The following ERC1 variants were observed in gnomAD, a reference collection of about 807,000 sequenced individuals.
The protein encoded by ERC1 is RAB6 interacting protein 2.
A neutral mutation model predicts 132.0 loss-of-function variants in ERC1; 56 were observed. The observed-to-expected ratio is 0.42, with a 90% confidence interval of 0.34 to 0.53. The LOEUF is 0.53. Among genes scored for constraint, ERC1 ranks in the 20% least tolerant of loss-of-function variants. The pLI is 0.03. For synonymous variants in ERC1, 478 were observed against 476.1 expected (o/e 1.00, Z -0.05); for missense variants, 1,202 against 1,349.9 (o/e 0.89, Z 1.72).
chr12:1,262,172 C>G (rs2077183941), intron 13 of ERC1, among the ~76,000 whole-genome samples: 1 of 152,188 alleles, frequency 6.6e-6, no homozygotes, highest in South Asian at 2.1e-4. Flanking sequence ...GCACTTTATT[C>G]TTAATCCTCT....
intron 15 of ERC1, among the ~76,000 whole-genome samples, chr12:1,295,132 T>A (rs1010485476): frequency 1.3e-5 from 2 of 152,186 alleles, no homozygotes; most frequent in African/African-American, 4.8e-5. Context: ...CACGTTGAAG[T>A]TGGTAAAGCT....
At chr12:1,285,474 T>C (rs534917295) in intron 14 of ERC1, among the ~76,000 whole-genome samples, 1 of 152,290 alleles carries the variant, frequency 6.6e-6, no homozygotes, top group South Asian at 2.1e-4. Context: ...ATGAACAATA[T>C]TTATTTTAGA....
At chr12:1,105,225 A>G (rs1259790203) in intron 4 of ERC1, among the ~76,000 whole-genome samples, 1 of 152,196 alleles carries the variant, frequency 6.6e-6, no homozygotes, top group Admixed American at 6.5e-5. Context: ...TACTGAATTC[A>G]GTTTACAACT....
intron 8 of ERC1, among the ~76,000 whole-genome samples, chr12:1,162,456 G>A (rs186434780): frequency 6.7e-6 from 1 of 148,510 alleles, no homozygotes; most frequent in East Asian, 2.0e-4. Context: ...TGTTTATTTC[G>A]TTTTGCTTGC....
chr12:1,198,337 C>G (rs1416217417), intron 12 of ERC1, among the ~76,000 whole-genome samples: 1 of 152,112 alleles, frequency 6.6e-6, no homozygotes, highest in Non-Finnish European at 1.5e-5. Context: ...ATTTTGGATC[C>G]TAAACTATTA....
chr12:1,321,124 A>G (rs1403910402), intron 15 of ERC1, among the ~76,000 whole-genome samples: 1 of 152,162 alleles, frequency 6.6e-6, no homozygotes, highest in Non-Finnish European at 1.5e-5. Flanking sequence ...AGTGCGGGGG[A>G]AAATGAGGTT....
rs764187863 is a variant in ERC1, at chr12:1,182,073, T to G, written c.2016+8T>G. On this transcript the variant is annotated splice_region_variant and intron_variant, in intron 10 of 18. Coordinates refer to ENST00000360905, the MANE Select transcript of ERC1 (RefSeq NM_178040.4). The stretch of plus-strand genomic sequence containing the variant: ...GACCTTTCAGAGAAAGAGGTTAAGC[T>G]CCCCAAAATGGAATTAGTTTGTTTG... The G allele has an allele frequency of 6.8e-6, 11 of 1,612,138 alleles. No homozygotes were observed. The Admixed American group carries it at 1.2e-4, about 17-fold the overall frequency.
At chr12:1,430,834 G>A (rs1012466681) in intron 17 of ERC1, 2 of 152,362 alleles carry the variant, frequency 1.3e-5, no homozygotes, top group African/African-American at 4.8e-5. Flanking sequence ...ACGGGGCAGA[G>A]TACTGGAAAC....
At chr12:1,010,152 G>A (rs1179394140) in intron 1 of ERC1, among the ~76,000 whole-genome samples, 1 of 152,142 alleles carries the variant, frequency 6.6e-6, no homozygotes, top group Non-Finnish European at 1.5e-5. Flanking sequence ...CGTGGTAACC[G>A]AGGGGAGGAA....
At chr12:1,008,095 G>C (rs142558106) in intron 1 of ERC1, among the ~76,000 whole-genome samples, 1 of 152,298 alleles carries the variant, frequency 6.6e-6, no homozygotes, top group African/African-American at 2.4e-5. Context: ...GTGTGATATT[G>C]TTACCCAGGG....
At chr12:1,256,944 A>G (rs1308545510) in intron 13 of ERC1, among the ~76,000 whole-genome samples, 3 of 150,712 alleles carry the variant, frequency 2.0e-5, no homozygotes, top group African/African-American at 7.4e-5. Flanking sequence ...CTCAGGTTCT[A>G]TAATACCCAT....
At position 1,111,752 on chromosome 12, in the gene ERC1, C is replaced by T. The variant is rs545855146; in HGVS notation, c.1318-463C>T. On this transcript the variant is annotated intron_variant, in intron 5 of 18. Coordinates refer to ENST00000360905, the MANE Select transcript of ERC1 (RefSeq NM_178040.4). ...TCTGCTGAGTAGCTGGGATTACAGGCGCCCACCACCATGCCCAGTTAATTT... is the reference window on the plus strand; with the variant it reads ...TCTGCTGAGTAGCTGGGATTACAGGTGCCCACCACCATGCCCAGTTAATTT... 5.9e-5 allele frequency among the ~76,000 whole-genome samples: 9 copies of T among 151,902 alleles called. No homozygotes were observed. The South Asian group carries it at 1.7e-3, about 28-fold the overall frequency.
chr12:1,046,025 A>G (rs192799074), intron 2 of ERC1, among the ~76,000 whole-genome samples: 2 of 152,316 alleles, frequency 1.3e-5, no homozygotes, highest in Non-Finnish European at 2.9e-5. Flanking sequence ...AGGAAGCAGT[A>G]GAGTAATGAT....
At position 1,229,366 on chromosome 12, in the gene ERC1, C is replaced by T. The variant is rs75625002; in HGVS notation, c.2352-7403C>T. The stretch of plus-strand genomic sequence containing the variant: ...AAAATAAAAAATTAACTAGTTGCAG[C>T]GGTGCATGCCTGTGGTTGCAGCAAC... On this transcript the variant is annotated intron_variant, in intron 12 of 18. Coordinates refer to ENST00000360905, the MANE Select transcript of ERC1 (RefSeq NM_178040.4). Among the ~76,000 whole-genome samples the T allele has an allele frequency of 5.2e-3, 786 of 152,156 alleles. 11 individuals are homozygous for T. Among genetic ancestry groups the T allele is most frequent in the African/African-American group, 0.018 (745 of 41,510 alleles).
chr12:1,083,133 T>G, intron 2 of ERC1, 31 bp from the exon 3 acceptor site: 3 of 1,569,132 alleles, frequency 1.9e-6, no homozygotes, highest in Non-Finnish European at 2.6e-6. Context: ...GGAAAGCTGA[T>G]TTGGGGGTTT....
intron 8 of ERC1, among the ~76,000 whole-genome samples, chr12:1,176,160 G>A (rs1460425077): frequency 6.6e-6 from 1 of 152,188 alleles, no homozygotes; most frequent in Admixed American, 6.5e-5. Context: ...TTCTTAACTA[G>A]TAAGACTAGA....
rs571244546 is a variant in ERC1, at chr12:1,105,570, G to A, written c.1161+746G>A. 5.2e-3 allele frequency among the ~76,000 whole-genome samples: 797 copies of A among 152,136 alleles called. 3 individuals carry two copies. The highest frequency in any genetic ancestry group is 6.8e-3 in the Middle Eastern group (2 of 294). On this transcript the variant is annotated intron_variant, in intron 4 of 18. Coordinates refer to ENST00000360905, the MANE Select transcript of ERC1 (RefSeq NM_178040.4). ...GATGGGGTTTCACCGTGTTAGCCAG[G>A]ATGGTCTCCATCTCCTGACCTCGTT...
intron 14 of ERC1, among the ~76,000 whole-genome samples, chr12:1,285,820 A>G (rs1313763050): frequency 6.6e-6 from 1 of 152,238 alleles, no homozygotes; most frequent in Non-Finnish European, 1.5e-5. Context: ...CTTTATATCA[A>G]AACTTTACAA....
intron 2 of ERC1, among the ~76,000 whole-genome samples, chr12:1,071,598 A>T (rs765086576): frequency 6.6e-6 from 1 of 152,068 alleles, no homozygotes; most frequent in African/African-American, 2.4e-5. Flanking sequence ...TTCTGGATAC[A>T]AGTCCTTTAA....
Sources: gnomAD v4.1 joint callset for allele counts (sites outside exome capture counted in the v4.1 genomes callset) on GRCh38, gnomAD v4.1.1 for gene constraint, MANE v1.5 for transcripts, NCBI Gene and HGNC (gene_info 2026-07-23, HGNC 2026-07-21) for gene names.